Variants in OCA2 observed in about 807,000 individuals in gnomAD.
OCA2 encodes P protein.
Under a neutral mutation model 100.2 loss-of-function variants are expected in OCA2, and 77 were observed. That is an observed-to-expected ratio of 0.77 (90% CI 0.64 to 0.93). The LOEUF (loss-of-function observed/expected upper bound fraction) is 0.93, where lower values mean the gene tolerates loss of function less well. Ranked by LOEUF, OCA2 falls within the 40% of genes least tolerant of loss-of-function variation. OCA2 has a pLI of 0.00. For missense variants in OCA2, 1,062 were observed against 1,089.1 expected (o/e 0.98, Z 0.35); for synonymous variants, 432 against 439.2 (o/e 0.98, Z 0.21).
chr15:28,089,700 T>C (rs1055739564), intron 1 of OCA2, among the ~76,000 whole-genome samples: 1 of 152,204 alleles, frequency 6.6e-6, no homozygotes, highest in African/African-American at 2.4e-5. Context: ...GACTCAACTA[T>C]GCAAGGTCTA....
At position 27,785,303 on chromosome 15, in the gene OCA2, TAAAC is replaced by T. The variant is rs141270503; in HGVS notation, c.2433-29835_2433-29832del. 2.8e-3 allele frequency among the ~76,000 whole-genome samples: 419 copies of T among 152,214 alleles called. 4 individuals are homozygous for T. The highest frequency in any genetic ancestry group is 9.7e-3 in the African/African-American group (402 of 41,532). ...CGCAAAAGAACTGAAAACAGGTACA[TAAAC>T]AAATTCATGTACACACATGTTCATA... On this transcript the variant is annotated intron_variant, in intron 23 of 23. Transcript: ENST00000354638.
chr15:27,796,853 C>A (rs1003517310), intron 23 of OCA2, among the ~76,000 whole-genome samples: 3 of 152,202 alleles, frequency 2.0e-5, no homozygotes, highest in African/African-American at 7.2e-5. Flanking sequence ...TTCTCCAGCC[C>A]CGCCTACCCA....
Position 28,018,405 on chromosome 15 carries a change from G to A in OCA2, c.799C>T (p.Pro267Ser). ...TAAATTATCAGCATAACCTGCTGTGGCCGCCGCCACCTGGAGCCCAAAGCG... is the reference window on the plus strand; with the variant it reads ...TAAATTATCAGCATAACCTGCTGTGACCGCCGCCACCTGGAGCCCAAAGCG... ...ADALGSRWRRPQQVTHNWTVY... is the reference protein window; with the variant it reads ...ADALGSRWRRSQQVTHNWTVY... Residue 267 changes from proline to serine, a missense_variant, in exon 7 of 24, where the codon CCA (proline) becomes TCA (serine). Transcript: ENST00000354638. The A allele has an allele frequency of 6.2e-7, 1 of 1,613,936 alleles. No individual in the cohort carries two copies. The highest frequency in any genetic ancestry group is 8.5e-7 in the Non-Finnish European group (1 of 1,179,906).
chr15:27,970,430 C>T (rs2040734909), intron 14 of OCA2, among the ~76,000 whole-genome samples: 1 of 152,198 alleles, frequency 6.6e-6, no homozygotes, highest in South Asian at 2.1e-4. Context: ...CAAAGAACTT[C>T]ACAGCACATG....
intron 23 of OCA2, among the ~76,000 whole-genome samples, chr15:27,774,352 C>T (rs900796182): frequency 6.6e-6 from 1 of 152,204 alleles, no homozygotes; most frequent in African/African-American, 2.4e-5. Context: ...GGCCTTCAGG[C>T]CCCCCGCGTT....
At chr15:27,952,648 T>A (rs2140630460) in intron 17 of OCA2, among the ~76,000 whole-genome samples, 1 of 152,150 alleles carries the variant, frequency 6.6e-6, no homozygotes, top group South Asian at 2.1e-4. Context: ...TCTTTCTTTC[T>A]TTCATTTATT....
intron 19 of OCA2, among the ~76,000 whole-genome samples, chr15:27,884,622 T>A (rs1052131422): frequency 5.3e-5 from 8 of 152,198 alleles, no homozygotes; most frequent in African/African-American, 1.9e-4. Flanking sequence ...CACATTGGAA[T>A]CAGAGATCCA....
At chr15:27,753,897 C>A (rs1388955840), downstream of OCA2, among the ~76,000 whole-genome samples, 1 of 152,038 alleles carries the variant, frequency 6.6e-6, no homozygotes, top group Admixed American at 6.6e-5. Context: ...CAGATGGGAG[C>A]TGAGCTGGAA....
intron 15 of OCA2, among the ~76,000 whole-genome samples, chr15:27,959,056 G>C (rs929091663): frequency 3.9e-5 from 6 of 152,354 alleles, no homozygotes; most frequent in African/African-American, 1.4e-4. Flanking sequence ...GAGTTAGGCA[G>C]AGGGAGGCAG....
chr15:27,771,927 C>G (rs921655864), intron 23 of OCA2, among the ~76,000 whole-genome samples: 2 of 152,160 alleles, frequency 1.3e-5, no homozygotes, highest in African/African-American at 4.8e-5. Context: ...TGGTTCAGCT[C>G]TTTCCTCCTT....
At chr15:28,016,920 C>A (rs374139564) in intron 7 of OCA2, among the ~76,000 whole-genome samples, 6 of 152,142 alleles carry the variant, frequency 3.9e-5, no homozygotes, top group African/African-American at 1.4e-4. Context: ...AGGCAACAAA[C>A]CCACCCCCAG....
chr15:27,770,579 G>A (rs1311132161), intron 23 of OCA2, among the ~76,000 whole-genome samples: 1 of 151,390 alleles, frequency 6.6e-6, no homozygotes, highest in Non-Finnish European at 1.5e-5. Flanking sequence ...GGCGCGCACG[G>A]TGCCCAGCGC....
intron 9 of OCA2, among the ~76,000 whole-genome samples, chr15:28,012,855 A>G (rs1566795403): frequency 6.6e-6 from 1 of 152,242 alleles, no homozygotes. Flanking sequence ...TATTAAATCT[A>G]TAATTGCAAA....
At chr15:28,063,228 T>C (rs1259139810) in intron 2 of OCA2, among the ~76,000 whole-genome samples, 1 of 152,194 alleles carries the variant, frequency 6.6e-6, no homozygotes, top group Non-Finnish European at 1.5e-5. Flanking sequence ...ATAGTCTCTC[T>C]ACCTCTCTTT....
intron 19 of OCA2, among the ~76,000 whole-genome samples, chr15:27,887,539 T>C (rs1045540029): frequency 2.0e-5 from 3 of 149,742 alleles, no homozygotes; most frequent in African/African-American, 7.4e-5. Context: ...ACACCTGGGA[T>C]CTCAGGCCAA....
In OCA2 at chr15:27,918,679, T is replaced by A. The variant is rs140871860; in HGVS notation, c.2079+7448A>T. Among the ~76,000 whole-genome samples, 677 of 152,326 alleles carry A rather than the reference T, an allele frequency of 4.4e-3. 6 individuals carry two copies. Among genetic ancestry groups the A allele is most frequent in the African/African-American group, 0.015 (642 of 41,572 alleles). On this transcript the variant is annotated intron_variant, in intron 19 of 23. Transcript: ENST00000354638. The stretch of plus-strand genomic sequence containing the variant: ...CCAGAACTTTTTTTAATCAACAGAA[T>A]GAAATTTTACAAAATTGTATTCTGA...
chr15:27,953,681 G>GT (rs920595748), intron 17 of OCA2, among the ~76,000 whole-genome samples: 1 of 152,100 alleles, frequency 6.6e-6, no homozygotes, highest in Admixed American at 6.5e-5. Flanking sequence ...GGAAGTGGAG[G>GT]TTTTTTGGGG....
intron 7 of OCA2, among the ~76,000 whole-genome samples, chr15:28,017,113 A>G (rs2042421981): frequency 6.6e-6 from 1 of 152,108 alleles, no homozygotes; most frequent in Non-Finnish European, 1.5e-5. Context: ...TCGCCCACAA[A>G]TCACAAAGGA....
At chr15:28,098,355 C>A (rs2045024181) in intron 1 of OCA2, among the ~76,000 whole-genome samples, 2 of 152,224 alleles carry the variant, frequency 1.3e-5, no homozygotes, top group South Asian at 4.1e-4. Context: ...CTTGCCCTGG[C>A]AGGCCCCGTC....
Sources: allele counts gnomAD v4.1 joint callset (sites outside exome capture counted in the v4.1 genomes callset), GRCh38; gene constraint gnomAD v4.1.1; transcripts MANE v1.5; gene names NCBI Gene and HGNC (gene_info 2026-07-23, HGNC 2026-07-21).